The following DHRS12 variants were observed in gnomAD, a reference collection of about 807,000 sequenced individuals.
The protein encoded by DHRS12 is dehydrogenase/reductase 12, also known as dehydrogenase/reductase SDR family member 12.
Under a neutral mutation model 32.1 loss-of-function variants are expected in DHRS12, and 29 were observed. The ratio of observed to expected loss-of-function variants is 0.90; its 90% CI spans 0.67 to 1.23. The LOEUF (loss-of-function observed/expected upper bound fraction) is 1.23. Ranked by LOEUF, DHRS12 falls within the 50% of genes most tolerant of loss-of-function variation. DHRS12 has a pLI of 0.00. For synonymous variants in DHRS12, 150 were observed against 135.9 expected (o/e 1.10, Z -0.72); for missense variants, 330 against 337.2 (o/e 0.98, Z 0.17).
At chr13:51,803,019 C>T (rs1955830473) in intron 1 of DHRS12, among the ~76,000 whole-genome samples, 1 of 152,214 alleles carries the variant, frequency 6.6e-6, no homozygotes, top group South Asian at 2.1e-4. Flanking sequence ...CCAGAGGACA[C>T]CCCTTTGAAA....
At position 51,768,023 on chromosome 13, in the gene DHRS12, G is replaced by A. The variant is rs2138857188; in HGVS notation, c.*164C>T. 1 of 1,429,340 alleles carries A rather than the reference G, an allele frequency of 7.0e-7. No individual in the cohort carries two copies. Among genetic ancestry groups the A allele is most frequent in the Admixed American group, 2.8e-5 (1 of 35,440 alleles). 88.5% of individuals were successfully genotyped at this position (1,429,340 alleles called of 1,614,324 possible). On this transcript the variant is annotated 3_prime_UTR_variant, in exon 9 of 9. Coordinates refer to ENST00000444610, the MANE Select transcript of DHRS12 (RefSeq NM_001377533.1). ...GGTGAGCCTGATCACAGCCTCGGTA[G>A]TATTTATTTTGAAATAAAAGTTCCC... is the stretch of plus-strand genomic sequence containing the variant.
chr13:51,760,757 C>G, the DHRS12 span: 1 of 152,284 alleles, frequency 6.6e-6, no homozygotes, highest in Admixed American at 6.5e-5. Flanking sequence ...AGCACGCAAC[C>G]TAAATCCCTC....
intron 4 of DHRS12, among the ~76,000 whole-genome samples, chr13:51,784,997 G>A (rs1173268678): frequency 6.6e-6 from 1 of 152,208 alleles, no homozygotes; most frequent in Admixed American, 6.5e-5. Context: ...GGGGGCCAAG[G>A]CAGGTGGATC....
At chr13:51,801,323 G>A (rs767386147) in intron 1 of DHRS12, among the ~76,000 whole-genome samples, 3 of 152,062 alleles carry the variant, frequency 2.0e-5, no homozygotes, top group Non-Finnish European at 2.9e-5. Context: ...AGTAGCTGGG[G>A]TTATAAGCGC....
At chr13:51,787,736 AATT>A (rs961272162) in intron 4 of DHRS12, among the ~76,000 whole-genome samples, 1 of 125,342 alleles carries the variant, frequency 8.0e-6, no homozygotes, top group Non-Finnish European at 1.6e-5. Context: ...ATATACATAT[AATT>A]ATATTATATA....
intron 7 of DHRS12, 176 bp downstream of exon 7, chr13:51,771,645 T>C (rs57280031): frequency 0.1 from 140,757 of 1,406,414 alleles, 10,351 homozygotes; most frequent in African/African-American, 0.32. Context: ...TCTGTGTCTG[T>C]ATGAGGCTTC....
At chr13:51,778,086 C>T (rs562533541) in intron 4 of DHRS12, among the ~76,000 whole-genome samples, 8 of 152,360 alleles carry the variant, frequency 5.3e-5, no homozygotes, top group African/African-American at 1.9e-4. Context: ...AGCTGCCTGG[C>T]ATCGTGGGAA....
chr13:51,788,500 C>A (rs1593546578), intron 4 of DHRS12, among the ~76,000 whole-genome samples: 1 of 152,020 alleles, frequency 6.6e-6, no homozygotes, highest in South Asian at 2.1e-4. Context: ...AGGGTGAGTT[C>A]TTTCTCCCTT....
chr13:51,768,924 A>G, intron 8 of DHRS12: 1 of 1,397,132 alleles, frequency 7.2e-7, no homozygotes. Context: ...CCGTTCTCAC[A>G]GGACCTTGAT....
chr13:51,767,490 T>G (rs945319292), downstream of DHRS12: 3 of 152,180 alleles, frequency 2.0e-5, no homozygotes, highest in Non-Finnish European at 4.4e-5. Context: ...GGGGATGAGT[T>G]ACGTTTATTC....
intron 2 of DHRS12, among the ~76,000 whole-genome samples, chr13:51,794,217 G>A (rs969692548): frequency 6.6e-6 from 1 of 152,198 alleles, no homozygotes; most frequent in Admixed American, 6.5e-5. Flanking sequence ...ATACAAGCAT[G>A]GTTACTGAAA....
intron 1 of DHRS12, chr13:51,803,841 C>A: frequency 2.6e-6 from 1 of 386,748 alleles, no homozygotes. Flanking sequence ...GCGCCAGTCT[C>A]GGTCGCGGGC....
intron 2 of DHRS12, among the ~76,000 whole-genome samples, chr13:51,792,925 ATCT>A (rs1345826804): frequency 6.6e-6 from 1 of 150,818 alleles, no homozygotes; most frequent in South Asian, 2.1e-4. Flanking sequence ...CCTGCTGCTG[ATCT>A]TTTTTTTTTT....
chr13:51,760,089 A>ATTTTTTTTTTT, the DHRS12 span: 2 of 247,332 alleles, frequency 8.1e-6, no homozygotes, highest in Non-Finnish European at 1.5e-5. Context: ...TCAACACCCC[A>ATTTTTTTTTTT]TTTTACTTGT....
downstream of DHRS12, chr13:51,763,829 A>C (rs1168439178): frequency 6.6e-6 from 1 of 152,220 alleles, no homozygotes; most frequent in Admixed American, 6.5e-5. Context: ...TTTTTGCCTG[A>C]TATTAATCAC....
chr13:51,801,273 G>A (rs1159572052), intron 1 of DHRS12, among the ~76,000 whole-genome samples: 2 of 152,104 alleles, frequency 1.3e-5, no homozygotes, highest in African/African-American at 2.4e-5. Flanking sequence ...TGCAACCTCC[G>A]CCTCCCGGGT....
At chr13:51,799,436 T>C in intron 2 of DHRS12, 98 bp downstream of exon 2, 1 of 1,541,138 alleles carries the variant, frequency 6.5e-7, no homozygotes, top group South Asian at 1.2e-5. Context: ...CGTCCAGGAC[T>C]TCCTGGCCTG....
chr13:51,796,873 T>A (rs1955533974), intron 2 of DHRS12, among the ~76,000 whole-genome samples: 2 of 152,338 alleles, frequency 1.3e-5, no homozygotes, highest in South Asian at 4.1e-4. Flanking sequence ...ACTGGGGATT[T>A]CCATGAGAAA....
At chr13:51,789,482 A>G (rs1000283537) in intron 4 of DHRS12, 11 of 923,322 alleles carry the variant, frequency 1.2e-5, no homozygotes, top group Non-Finnish European at 1.4e-5. Flanking sequence ...AAGAATGTGC[A>G]TGTCTATCAA....
Sources: allele counts gnomAD v4.1 joint callset (sites outside exome capture counted in the v4.1 genomes callset), GRCh38; gene constraint gnomAD v4.1.1; transcripts MANE v1.5; gene names NCBI Gene and HGNC (gene_info 2026-07-23, HGNC 2026-07-21).